DMXL2: variants seen among roughly 807,000 people sequenced by gnomAD.
DMXL2 encodes the protein dmX-like protein 2.
DMXL2 carries 103 observed loss-of-function variants against 331.1 expected under a neutral mutation model. That is an observed-to-expected ratio of 0.31 (90% CI 0.27 to 0.37). The LOEUF (loss-of-function observed/expected upper bound fraction) is 0.37, where lower values mean the gene tolerates loss of function less well. Ranked by LOEUF, DMXL2 falls within the 10% of genes least tolerant of loss-of-function variation. DMXL2 has a pLI of 1.00. For missense variants in DMXL2, 3,171 were observed against 3,642.9 expected (o/e 0.87, Z 3.33); for synonymous variants, 1,281 against 1,252.1 (o/e 1.02, Z -0.49).
Position 51,523,975 on chromosome 15 carries a change from A to G in DMXL2, c.2437-6808T>C, listed in dbSNP as rs574178222. Among the ~76,000 whole-genome samples, 8 of 152,338 alleles carry G rather than the reference A, an allele frequency of 5.3e-5. No individual in the cohort carries two copies. In the South Asian group the frequency reaches 1.7e-3, roughly 32 times the overall value. ...AAGAACTCAACAACACCATCAATCA[A>G]AACAGGATTAATTAACATTCATAGA... On this transcript the variant is annotated intron_variant, in intron 13 of 43. Coordinates refer to ENST00000560891, the MANE Select transcript of DMXL2 (RefSeq NM_001378457.1).
In DMXL2 at chr15:51,564,256, A is replaced by G; in HGVS notation, c.369T>C (p.Asn123=). ...TAGAATCAGTTGCTGTCAACAATCT[A>G]TTATCTGAAAATTAAAGAATGTTAT... ...TYNLAWDPQD[N]RLLTATDSIQ... The change falls in exon 5 of 44, where the codon AAT becomes AAC. Residue 123 remains asparagine (N), a synonymous_variant. Transcript: ENST00000560891. The G allele has an allele frequency of 1.3e-6, 2 of 1,575,786 alleles. No homozygotes were observed. The highest frequency in any genetic ancestry group is 1.2e-5 in the South Asian group (1 of 83,372).
chr15:51,543,843 A>G (rs2048742306), intron 8 of DMXL2, among the ~76,000 whole-genome samples: 2 of 152,150 alleles, frequency 1.3e-5, no homozygotes, highest in South Asian at 2.1e-4. Context: ...TTACATGGCA[A>G]TAATTCAATT....
rs1240539666 is a variant in DMXL2 at position 51,498,729 on chromosome 15, A to G, written c.4495T>C (p.Ser1499Pro). Residue 1499 changes from serine to proline, a missense_variant, in exon 18 of 44, where the codon TCT (serine) becomes CCT (proline). This residue lies in a region of DMXL2 where 252 missense variants were observed against 387.4 expected (regional missense o/e 0.65). Coordinates refer to ENST00000560891, the MANE Select transcript of DMXL2 (RefSeq NM_001378457.1). ...CCAAAGTAAGCTGGTCCATATTGAG[A>G]AAGATTTATTACTTTTGATTTGTTT... ...RENKSKVINL[S>P]QYGPAYFGQE... is the part of the protein sequence containing the mutation. The G allele has an allele frequency of 6.2e-7, 1 of 1,614,160 alleles. No individual in the cohort carries two copies. Among genetic ancestry groups the G allele is most frequent in the Non-Finnish European group, 8.5e-7 (1 of 1,180,024 alleles).
intron 15 of DMXL2, among the ~76,000 whole-genome samples, chr15:51,512,187 T>C (rs932563243): frequency 6.6e-6 from 1 of 152,096 alleles, no homozygotes; most frequent in Non-Finnish European, 1.5e-5. Context: ...AATTAAAGTA[T>C]AATAAAAAAT....
chr15:51,484,016 G>C (rs894730179), intron 23 of DMXL2, among the ~76,000 whole-genome samples: 1 of 151,424 alleles, frequency 6.6e-6, no homozygotes, highest in Admixed American at 6.6e-5. Flanking sequence ...AGCTAACATA[G>C]TACCAGACCA....
chr15:51,456,291 T>A lies in DMXL2; in HGVS notation c.8398+18A>T. On this transcript the variant is annotated intron_variant, in intron 38 of 43. Coordinates refer to ENST00000560891, the MANE Select transcript of DMXL2 (RefSeq NM_001378457.1). ...TCCAAATGAGGACACTTACAATTAT[T>A]AGGTCATAAATACTTACAGTATTGA... 6.3e-7 allele frequency: 1 copy of A among 1,596,360 alleles called. No individual in the cohort carries two copies. Among genetic ancestry groups the A allele is most frequent in the Non-Finnish European group, 8.5e-7 (1 of 1,172,032 alleles).
At chr15:51,622,355 A>G in intron 1 of DMXL2, 104 bp downstream of exon 1, 2 of 1,471,122 alleles carry the variant, frequency 1.4e-6, no homozygotes, top group Non-Finnish European at 9.2e-7. Context: ...GGGGCCCACC[A>G]ACATCTCACA....
chr15:51,574,454 A>AT (rs985164264), intron 2 of DMXL2, among the ~76,000 whole-genome samples: 4 of 152,148 alleles, frequency 2.6e-5, no homozygotes, highest in South Asian at 2.1e-4. Flanking sequence ...ATCCCCTGTG[A>AT]TTTTAAGGCA....
intron 29 of DMXL2, 91 bp downstream of exon 29, chr15:51,471,132 C>G (rs536024934): frequency 8.1e-7 from 1 of 1,231,960 alleles, no homozygotes; most frequent in East Asian, 2.4e-5. Context: ...AATCCAAAAG[C>G]TACCCCATCA....
At chr15:51,530,270 T>TG (rs1336474454) in intron 13 of DMXL2, among the ~76,000 whole-genome samples, 1 of 151,996 alleles carries the variant, frequency 6.6e-6, no homozygotes, top group Non-Finnish European at 1.5e-5. Context: ...GCATCCAAAT[T>TG]GGAAAGGAAG....
intron 10 of DMXL2, 30 bp downstream of exon 10, chr15:51,538,183 G>T: frequency 1.3e-6 from 2 of 1,583,992 alleles, no homozygotes; most frequent in South Asian, 2.3e-5. Context: ...TAACTTTGGA[G>T]TAAGTAAAAT....
intron 16 of DMXL2, 38 bp downstream of exon 16, chr15:51,507,093 TTTG>T (rs773120951): frequency 3.3e-5 from 47 of 1,413,154 alleles, no homozygotes; most frequent in East Asian, 1.5e-4. Context: ...ATAAAATAAA[TTTG>T]TTATGTATCA....
At chr15:51,559,465 A>T (rs1373936928) in intron 6 of DMXL2, among the ~76,000 whole-genome samples, 1 of 152,214 alleles carries the variant, frequency 6.6e-6, no homozygotes, top group Non-Finnish European at 1.5e-5. Flanking sequence ...CTGTAATCTC[A>T]ACACTTAGGG....
At chr15:51,564,791 A>C (rs535696959) in intron 4 of DMXL2, among the ~76,000 whole-genome samples, 1 of 152,226 alleles carries the variant, frequency 6.6e-6, no homozygotes, top group South Asian at 2.1e-4. Flanking sequence ...TCTCTGTTTT[A>C]TTTCCAATGG....
chr15:51,543,047 A>T (rs1012097267), intron 8 of DMXL2, among the ~76,000 whole-genome samples: 3 of 152,178 alleles, frequency 2.0e-5, no homozygotes, highest in Non-Finnish European at 4.4e-5. Context: ...GTTGATCTTT[A>T]ATTTGTTTAA....
chr15:51,486,173 A>G lies in DMXL2; in HGVS notation c.5382T>C (p.Asp1794=). 1 of 1,614,088 alleles carries G rather than the reference A, an allele frequency of 6.2e-7. No homozygotes were observed. Residue 1794 remains aspartate, a synonymous_variant, in exon 23 of 44, where the codon GAT becomes GAC. Coordinates refer to ENST00000560891, the MANE Select transcript of DMXL2 (RefSeq NM_001378457.1). ...AATAGGCAAGACTACGCAGGAAAGG[A>G]TCAGGATGTAATCTTTTGCAACTGA... is the stretch of plus-strand genomic sequence containing the variant. ...SGFSCKRLHP[D]PFLRSLAYWV...
chr15:51,456,280 C>G (rs1426129592), intron 38 of DMXL2, 29 bp downstream of exon 38: 1 of 1,596,348 alleles, frequency 6.3e-7, no homozygotes, highest in Non-Finnish European at 8.5e-7. Context: ...AATGAGGACA[C>G]TTACAATTAT....
At chr15:51,542,820 A>AT (rs1280431255) in intron 8 of DMXL2, among the ~76,000 whole-genome samples, 3 of 151,880 alleles carry the variant, frequency 2.0e-5, no homozygotes, top group African/African-American at 7.3e-5. Flanking sequence ...CTGAGACAGA[A>AT]TTTTCTAGTC....
intron 13 of DMXL2, among the ~76,000 whole-genome samples, chr15:51,527,250 T>C (rs1280991264): frequency 2.0e-5 from 3 of 151,202 alleles, no homozygotes; most frequent in Admixed American, 1.3e-4. Flanking sequence ...TTTGAAGTGC[T>C]GAAAAGAAAA....
Sources: allele counts gnomAD v4.1 joint callset (sites outside exome capture counted in the v4.1 genomes callset), GRCh38; gene constraint gnomAD v4.1.1; regional missense constraint gnomAD v4.1.1; transcripts MANE v1.5; gene names NCBI Gene and HGNC (gene_info 2026-07-23, HGNC 2026-07-21).